PLCB1: variants seen among roughly 807,000 people sequenced by gnomAD.
PLCB1 encodes the protein phospholipase C beta 1.
PLCB1 carries 46 observed loss-of-function variants against 161.8 expected under a neutral mutation model. The ratio of observed to expected loss-of-function variants is 0.28; its 90% CI spans 0.22 to 0.36. The LOEUF is 0.36. PLCB1 is among the 10% of genes least tolerant of loss of function. The pLI, the probability that PLCB1 is intolerant of heterozygous loss-of-function variation, is 1.00. For missense variants in PLCB1, 1,016 were observed against 1,472.5 expected (o/e 0.69, Z 5.07); for synonymous variants, 517 against 503.7 (o/e 1.03, Z -0.35).
intron 31 of PLCB1, among the ~76,000 whole-genome samples, chr20:8,862,518 A>G (rs1289601950): frequency 6.6e-6 from 1 of 152,258 alleles, no homozygotes; most frequent in Non-Finnish European, 1.5e-5. Flanking sequence ...GGTTAGAGTC[A>G]GGGACCAAAA....
At chr20:8,775,811 A>G (rs1001953486) in intron 27 of PLCB1, among the ~76,000 whole-genome samples, 1 of 152,168 alleles carries the variant, frequency 6.6e-6, no homozygotes, top group Non-Finnish European at 1.5e-5. Context: ...TGGTGTTTTC[A>G]TATTTCTGAT....
intron 2 of PLCB1, among the ~76,000 whole-genome samples, chr20:8,251,559 A>G (rs866875776): frequency 6.6e-6 from 1 of 151,902 alleles, no homozygotes; most frequent in East Asian, 1.9e-4. Context: ...TAAGGCAAGG[A>G]GTGACTGCAG....
chr20:8,808,747 T>C (rs1219402397), intron 31 of PLCB1, among the ~76,000 whole-genome samples: 1 of 152,214 alleles, frequency 6.6e-6, no homozygotes, highest in Non-Finnish European at 1.5e-5. Context: ...TGTAATTAAA[T>C]ATTGCTTAAG....
chr20:8,404,366 A>G (rs1214685396), intron 3 of PLCB1, among the ~76,000 whole-genome samples: 1 of 152,208 alleles, frequency 6.6e-6, no homozygotes, highest in Non-Finnish European at 1.5e-5. Flanking sequence ...AAATTTTTAC[A>G]CTAATTCCAA....
chr20:8,447,036 G>A (rs1034950516), intron 3 of PLCB1, among the ~76,000 whole-genome samples: 1 of 152,158 alleles, frequency 6.6e-6, no homozygotes, highest in Non-Finnish European at 1.5e-5. Context: ...TCTTAAGTAT[G>A]TGTGTATAAA....
At chr20:8,192,163 G>A (rs2051977182) in intron 2 of PLCB1, among the ~76,000 whole-genome samples, 1 of 152,062 alleles carries the variant, frequency 6.6e-6, no homozygotes, top group East Asian at 1.9e-4. Context: ...CTTTCTAATG[G>A]TGCACTATTG....
chr20:8,659,189 GCTGT>G, intron 9 of PLCB1, among the ~76,000 whole-genome samples: 1 of 152,080 alleles, frequency 6.6e-6, no homozygotes, highest in South Asian at 2.1e-4. Context: ...CTAAAATTTG[GCTGT>G]CTGTGTAAAA....
At chr20:8,334,258 A>G (rs560350185) in intron 2 of PLCB1, among the ~76,000 whole-genome samples, 11 of 152,296 alleles carry the variant, frequency 7.2e-5, no homozygotes, top group African/African-American at 2.4e-4. Context: ...TTAAAGCTAG[A>G]TCTTTCTGTT....
chr20:8,178,753 A>G (rs1011337524), intron 2 of PLCB1, among the ~76,000 whole-genome samples: 2 of 152,068 alleles, frequency 1.3e-5, no homozygotes, highest in African/African-American at 4.8e-5. Context: ...CTTCAGGGGT[A>G]TTTACAGTTT....
intron 3 of PLCB1, among the ~76,000 whole-genome samples, chr20:8,426,554 G>T (rs1979782296): frequency 6.6e-6 from 1 of 152,170 alleles, no homozygotes; most frequent in African/African-American, 2.4e-5. Context: ...AAAGTGAGGA[G>T]ATGCAGGTCA....
intron 4 of PLCB1, among the ~76,000 whole-genome samples, chr20:8,642,259 CA>C (rs1328707481): frequency 6.6e-6 from 1 of 151,834 alleles, no homozygotes; most frequent in Non-Finnish European, 1.5e-5. Context: ...GAATTTTTTC[CA>C]AAATTCTAGA....
rs1981101725 is a variant in PLCB1 at position 8,452,134 on chromosome 20, C to T, written c.246+80684C>T. ...AAACAACTGTATCTCAGATGAGCTT[C>T]AATTTGCAAGGCATCATTCCATTTT... On this transcript the variant is annotated intron_variant, in intron 3 of 31. Transcript: ENST00000338037. 3.3e-5 allele frequency among the ~76,000 whole-genome samples: 5 copies of T among 152,194 alleles called. No individual in the cohort carries two copies. In the South Asian group the frequency reaches 1.0e-3, roughly 31 times the overall value.
chr20:8,831,569 A>C (rs1277000020), intron 31 of PLCB1, among the ~76,000 whole-genome samples: 1 of 152,198 alleles, frequency 6.6e-6, no homozygotes, highest in African/African-American at 2.4e-5. Flanking sequence ...AGTTTATTTT[A>C]TTGTAATGTG....
chr20:8,285,867 G>C (rs557341201), intron 2 of PLCB1, among the ~76,000 whole-genome samples: 61 of 152,184 alleles, frequency 4.0e-4, no homozygotes, highest in African/African-American at 1.4e-3. Context: ...GATAGTTCCT[G>C]GTGTTTCCCT....
At chr20:8,502,647 T>G (rs913570993) in intron 3 of PLCB1, among the ~76,000 whole-genome samples, 14 of 152,170 alleles carry the variant, frequency 9.2e-5, no homozygotes, top group Non-Finnish European at 1.9e-4. Context: ...TGGTAGTTAC[T>G]CCTCCATTTT....
chr20:8,139,872 C>T (rs1174846049), intron 1 of PLCB1, among the ~76,000 whole-genome samples: 1 of 152,170 alleles, frequency 6.6e-6, no homozygotes, highest in East Asian at 1.9e-4. Flanking sequence ...TTACCAGACT[C>T]CTTTTTGACG....
intron 9 of PLCB1, among the ~76,000 whole-genome samples, chr20:8,659,029 T>C (rs921061186): frequency 6.6e-6 from 1 of 152,178 alleles, no homozygotes; most frequent in Non-Finnish European, 1.5e-5. Flanking sequence ...CCCTTTTGTC[T>C]TTTTCTAGTA....
chr20:8,710,325 G>A (rs1476857179), intron 12 of PLCB1, among the ~76,000 whole-genome samples: 1 of 151,906 alleles, frequency 6.6e-6, no homozygotes, highest in Non-Finnish European at 1.5e-5. Context: ...AGTACCAAGG[G>A]GAATGGTGTT....
chr20:8,150,051 T>C (rs1217082576), intron 1 of PLCB1, among the ~76,000 whole-genome samples: 1 of 152,114 alleles, frequency 6.6e-6, no homozygotes, highest in Non-Finnish European at 1.5e-5. Flanking sequence ...CCTTAATCAA[T>C]AAATCATAAT....
Sources: gnomAD v4.1 joint callset for allele counts (sites outside exome capture counted in the v4.1 genomes callset) on GRCh38, gnomAD v4.1.1 for gene constraint, MANE v1.5 for transcripts, NCBI Gene and HGNC (gene_info 2026-07-23, HGNC 2026-07-21) for gene names.